HIVEP3: variants seen among roughly 807,000 people sequenced by gnomAD.
HIVEP3 encodes the protein transcription factor HIVEP3.
A neutral mutation model predicts 152.8 loss-of-function variants in HIVEP3; 49 were observed. The observed-to-expected ratio is 0.32, with a 90% CI of 0.26 to 0.41. HIVEP3 has a LOEUF of 0.41. Ranked by LOEUF, HIVEP3 falls within the 10% of genes least tolerant of loss-of-function variation. The pLI is 1.00. For synonymous variants in HIVEP3, 1,269 were observed against 1,289.0 expected (o/e 0.98, Z 0.33); for missense variants, 2,790 against 3,103.3 (o/e 0.90, Z 2.40).
At chr1:41,640,555 C>A (rs928014859) in intron 2 of HIVEP3, among the ~76,000 whole-genome samples, 2 of 152,152 alleles carry the variant, frequency 1.3e-5, no homozygotes, top group African/African-American at 2.4e-5. Flanking sequence ...AAGACCTTGT[C>A]CATGTCTCAG....
chr1:41,908,489 T>C (rs961718483), intron 1 of HIVEP3, among the ~76,000 whole-genome samples: 2 of 152,210 alleles, frequency 1.3e-5, no homozygotes, highest in African/African-American at 2.4e-5. Flanking sequence ...CATAGTATCA[T>C]TGAATGAATC....
At chr1:41,599,491 G>A (rs75762352) in intron 3 of HIVEP3, among the ~76,000 whole-genome samples, 4,335 of 152,236 alleles carry the variant, frequency 0.028, 204 homozygotes, top group African/African-American at 0.1. Flanking sequence ...CATGGGTTGG[G>A]AGAGGATATT....
chr1:41,690,900 A>G (rs1451841335), intron 2 of HIVEP3, among the ~76,000 whole-genome samples: 1 of 152,202 alleles, frequency 6.6e-6, no homozygotes, highest in Non-Finnish European at 1.5e-5. Context: ...CCTGGGTGAC[A>G]AGAGTGAAAC....
At chr1:41,707,895 T>G (rs1170393271) in intron 1 of HIVEP3, among the ~76,000 whole-genome samples, 2 of 152,242 alleles carry the variant, frequency 1.3e-5, no homozygotes, top group Non-Finnish European at 2.9e-5. Flanking sequence ...GCAATAGACC[T>G]GGCCAAGCCG....
Position 41,579,998 on chromosome 1 carries a change from T to C in HIVEP3, c.4800A>G (p.Thr1600=). Residue 1600 remains threonine, a synonymous_variant, in exon 4 of 9, where the codon ACA becomes ACG. Coordinates refer to ENST00000372583, the MANE Select transcript of HIVEP3 (RefSeq NM_024503.5). ...AATAGCACCAACTGACATTAGTGGT[T>C]GTGTGGAGGCTGGGGAACTGCAGTA... ...KKVLQFPSLH[T]TTNVSWCYLN... is the part of the protein sequence containing the mutation. The C allele has an allele frequency of 6.2e-7, 1 of 1,614,218 alleles. No homozygotes were observed. Among genetic ancestry groups the C allele is most frequent in the African/African-American group, 1.3e-5 (1 of 75,064 alleles).
At chr1:41,820,989 A>C (rs1053490794) in intron 1 of HIVEP3, among the ~76,000 whole-genome samples, 21 of 152,220 alleles carry the variant, frequency 1.4e-4, no homozygotes, top group African/African-American at 4.6e-4. Context: ...GGGTCAGGGA[A>C]GGAAGGTACA....
chr1:41,745,235 G>T (rs992190782), intron 1 of HIVEP3, among the ~76,000 whole-genome samples: 1 of 152,160 alleles, frequency 6.6e-6, no homozygotes, highest in African/African-American at 2.4e-5. Flanking sequence ...CACTGGGCAG[G>T]TGGAGCACAG....
At chr1:41,936,329 A>G (rs1645020280) in intron 1 of HIVEP3, among the ~76,000 whole-genome samples, 2 of 152,144 alleles carry the variant, frequency 1.3e-5, no homozygotes, top group African/African-American at 4.8e-5. Flanking sequence ...AGCAAGAGGC[A>G]ACTGATCCAG....
intron 2 of HIVEP3, among the ~76,000 whole-genome samples, chr1:41,656,106 G>A (rs571983944): frequency 1.5e-4 from 23 of 152,242 alleles, no homozygotes; most frequent in African/African-American, 5.3e-4. Context: ...CCCATGAGTG[G>A]CTCTGCCAAT....
At chr1:41,575,719 T>C (rs773949569) in intron 4 of HIVEP3, 30 bp from the exon 5 acceptor site, 36 of 1,611,670 alleles carry the variant, frequency 2.2e-5, no homozygotes, top group Middle Eastern at 1.6e-4. Context: ...ACAAAATCAT[T>C]GCTGGTTAAA....
intron 1 of HIVEP3, among the ~76,000 whole-genome samples, chr1:41,870,368 T>C (rs970067083): frequency 1.7e-4 from 26 of 152,212 alleles, no homozygotes; most frequent in African/African-American, 6.0e-4. Context: ...CTTTTCAACG[T>C]TGCAATTAAA....
intron 1 of HIVEP3, among the ~76,000 whole-genome samples, chr1:41,787,202 GC>G (rs968312211): frequency 6.6e-6 from 1 of 152,080 alleles, no homozygotes; most frequent in Admixed American, 6.6e-5. Context: ...CCAAAATAAT[GC>G]CCGTGTCTGA....
At chr1:42,012,494 C>T (rs953714500) in intron 1 of HIVEP3, among the ~76,000 whole-genome samples, 17 of 152,186 alleles carry the variant, frequency 1.1e-4, no homozygotes, top group African/African-American at 3.9e-4. Flanking sequence ...AGTTCAAGAC[C>T]AGCCTCACCA....
intron 1 of HIVEP3, among the ~76,000 whole-genome samples, chr1:41,836,291 G>A (rs1298924109): frequency 6.6e-6 from 1 of 152,210 alleles, no homozygotes; most frequent in Non-Finnish European, 1.5e-5. Context: ...GCAGCTGGGA[G>A]TGTGAGACCC....
In HIVEP3 at chr1:41,707,444, G is replaced by A. The variant is rs571665721; in HGVS notation, c.-800-6449C>T. Among the ~76,000 whole-genome samples, 255 of 152,328 alleles carry A rather than the reference G, an allele frequency of 1.7e-3. 2 individuals carry two copies. The highest frequency in any genetic ancestry group is 2.4e-3 in the Non-Finnish European group (160 of 68,020). On this transcript the variant is annotated intron_variant, in intron 1 of 8. Transcript: ENST00000372583. ...GGCAAGAAAGGACTTACCCTCTCTC[G>A]GATGGCAGTTCTGGAGCAGTTTCAA...
At chr1:41,555,545 G>T (rs1200748731) in intron 5 of HIVEP3, among the ~76,000 whole-genome samples, 1 of 152,210 alleles carries the variant, frequency 6.6e-6, no homozygotes, top group Admixed American at 6.5e-5. Flanking sequence ...AGGTACCTCA[G>T]TTGGAAATGC....
chr1:41,816,711 T>C (rs1038989660), intron 1 of HIVEP3, among the ~76,000 whole-genome samples: 1 of 152,038 alleles, frequency 6.6e-6, no homozygotes, highest in African/African-American at 2.4e-5. Flanking sequence ...AACAAAAACA[T>C]AGCATCTATT....
intron 1 of HIVEP3, among the ~76,000 whole-genome samples, chr1:41,910,169 T>C (rs1469317494): frequency 6.6e-6 from 1 of 151,832 alleles, no homozygotes; most frequent in Admixed American, 6.6e-5. Context: ...TCTAATAACA[T>C]TGAGAAAATT....
At chr1:41,877,948 A>G (rs1170484332) in intron 1 of HIVEP3, among the ~76,000 whole-genome samples, 1 of 152,222 alleles carries the variant, frequency 6.6e-6, no homozygotes. Context: ...GTCCTGGACT[A>G]CACTTACAAA....
Sources: allele counts gnomAD v4.1 joint callset (sites outside exome capture counted in the v4.1 genomes callset), GRCh38; gene constraint gnomAD v4.1.1; transcripts MANE v1.5; gene names NCBI Gene and HGNC (gene_info 2026-07-23, HGNC 2026-07-21).